Variants in ZNF804B observed in about 807,000 individuals in gnomAD.
ZNF804B encodes zinc finger protein 804B.
In ZNF804B, 80 loss-of-function variants were observed where a neutral mutation model predicts 101.4. The observed-to-expected ratio is 0.79, with a 90% confidence interval of 0.66 to 0.95. The LOEUF (loss-of-function observed/expected upper bound fraction) is 0.95, where lower values mean the gene tolerates loss of function less well. Ranked by LOEUF, ZNF804B falls within the 40% of genes least tolerant of loss-of-function variation. ZNF804B has a pLI of 0.00. For missense variants in ZNF804B, 1,673 were observed against 1,561.9 expected, an observed-to-expected ratio of 1.07 and a Z score of -1.20; for synonymous variants, 622 against 558.8, an observed-to-expected ratio of 1.11 and a Z score of -1.59.
rs199714594 is a variant in ZNF804B, at chr7:89,335,245, C to T, written c.2263C>T (p.Arg755Trp). 1.4e-4 allele frequency: 223 copies of T among 1,613,612 alleles called. No homozygotes were observed. The highest frequency in any genetic ancestry group is 1.7e-4 in the Non-Finnish European group (195 of 1,179,940). ...ACACCACTCAGTTGAAAGGCACAAA[C>T]GGAAATGTCTAAAGCACAACTGCTT... ...REHHSVERHK[R>W]KCLKHNCFYL... The change falls in exon 4 of 4, where the codon CGG (arginine) becomes TGG (tryptophan). Residue 755 changes from arginine (R) to tryptophan (W), a missense_variant. Physicochemically the swap from Arg to Trp is moderately radical, Grantham distance 101. Transcript: ENST00000333190.
intron 1 of ZNF804B, among the ~76,000 whole-genome samples, chr7:89,079,804 A>G (rs1014581719): frequency 6.6e-6 from 1 of 152,010 alleles, no homozygotes; most frequent in African/African-American, 2.4e-5. Flanking sequence ...AGCTTTCCAA[A>G]TAAAGGAAAT....
chr7:88,904,566 A>G (rs1240251821), intron 1 of ZNF804B, among the ~76,000 whole-genome samples: 1 of 152,094 alleles, frequency 6.6e-6, no homozygotes, highest in Non-Finnish European at 1.5e-5. Context: ...AATTATATTG[A>G]TTCTTCCAAT....
intron 1 of ZNF804B, among the ~76,000 whole-genome samples, chr7:89,052,269 C>T (rs1789218132): frequency 6.6e-6 from 1 of 152,058 alleles, no homozygotes; most frequent in African/African-American, 2.4e-5. Flanking sequence ...TCCTGAGTAG[C>T]TGGGACTACA....
intron 1 of ZNF804B, among the ~76,000 whole-genome samples, chr7:89,021,480 G>C (rs1385578619): frequency 6.6e-6 from 1 of 152,106 alleles, no homozygotes; most frequent in East Asian, 1.9e-4. Flanking sequence ...CCCTAGATAT[G>C]GGCACAAGGC....
intron 1 of ZNF804B, among the ~76,000 whole-genome samples, chr7:88,948,226 G>A (rs1793167065): frequency 6.6e-6 from 1 of 150,606 alleles, no homozygotes; most frequent in African/African-American, 2.4e-5. Flanking sequence ...CTATGATAAT[G>A]AGTCCTAAAA....
intron 2 of ZNF804B, among the ~76,000 whole-genome samples, chr7:89,271,340 T>A (rs916260071): frequency 3.3e-5 from 5 of 152,128 alleles, no homozygotes; most frequent in South Asian, 2.1e-4. Flanking sequence ...GGTTTTTGTC[T>A]TTGGTTCTGT....
intron 1 of ZNF804B, among the ~76,000 whole-genome samples, chr7:89,185,314 T>C (rs1788359395): frequency 1.3e-5 from 2 of 152,124 alleles, no homozygotes. Context: ...GTCTTACGCA[T>C]AGAAGATACA....
At chr7:88,811,307 C>A (rs568681652) in intron 1 of ZNF804B, among the ~76,000 whole-genome samples, 6 of 152,220 alleles carry the variant, frequency 3.9e-5, no homozygotes, top group South Asian at 4.2e-4. Context: ...CAATGAGATA[C>A]AATTTCACAC....
At chr7:89,256,406 A>G (rs1789632437) in intron 2 of ZNF804B, among the ~76,000 whole-genome samples, 1 of 152,144 alleles carries the variant, frequency 6.6e-6, no homozygotes, top group Non-Finnish European at 1.5e-5. Flanking sequence ...CAAGCTGGGC[A>G]TGCTGGTATG....
intron 2 of ZNF804B, among the ~76,000 whole-genome samples, chr7:89,313,967 G>C (rs924493493): frequency 6.6e-6 from 1 of 152,066 alleles, no homozygotes; most frequent in Admixed American, 6.5e-5. Context: ...ACATGAATTA[G>C]ATGCTTGGAC....
At chr7:89,097,633 C>T (rs1270012308) in intron 1 of ZNF804B, among the ~76,000 whole-genome samples, 1 of 152,018 alleles carries the variant, frequency 6.6e-6, no homozygotes, top group Non-Finnish European at 1.5e-5. Flanking sequence ...TAAAACCTAA[C>T]AAGAAATTAA....
chr7:89,336,936 C>G lies in ZNF804B; in HGVS notation c.3954C>G (p.Phe1318Leu), dbSNP rs746202470. 5.6e-6 allele frequency: 9 copies of G among 1,614,084 alleles called. No individual in the cohort carries two copies. Among genetic ancestry groups the G allele is most frequent in the Non-Finnish European group, 7.6e-6 (9 of 1,179,988 alleles). The change falls in exon 4 of 4, where the codon TTC becomes TTG. Residue 1318 changes from phenylalanine to leucine, a missense_variant. By Grantham distance (22) the Phe-to-Leu change is conservative. Coordinates refer to ENST00000333190, the MANE Select transcript of ZNF804B (RefSeq NM_181646.5). ...IHLNPLIQPV[F>L]QGQDFCHHSC... ...TGAATCCTTTAATCCAACCAGTATT[C>G]CAAGGTCAAGATTTTTGCCATCATT...
intron 1 of ZNF804B, among the ~76,000 whole-genome samples, chr7:88,816,127 C>T (rs191882234): frequency 1.2e-3 from 187 of 152,214 alleles, no homozygotes; most frequent in African/African-American, 4.2e-3. Flanking sequence ...TGAATGTCCT[C>T]ATCACCCTGC....
chr7:89,204,099 G>T (rs561393923), intron 1 of ZNF804B, among the ~76,000 whole-genome samples: 2 of 152,270 alleles, frequency 1.3e-5, no homozygotes, highest in Admixed American at 1.3e-4. Flanking sequence ...AAAATGGTTT[G>T]TAACTGAGCA....
intron 1 of ZNF804B, among the ~76,000 whole-genome samples, chr7:89,009,262 G>C (rs1788416395): frequency 6.6e-6 from 1 of 151,928 alleles, no homozygotes; most frequent in African/African-American, 2.4e-5. Flanking sequence ...ACATTTATCT[G>C]TTATCCTTTA....
intron 1 of ZNF804B, among the ~76,000 whole-genome samples, chr7:88,915,697 T>G (rs1020098022): frequency 2.0e-5 from 3 of 151,864 alleles, no homozygotes; most frequent in African/African-American, 7.2e-5. Flanking sequence ...GAAAACATAT[T>G]CTAGGAAAAA....
chr7:89,064,602 T>A (rs1583965022), intron 1 of ZNF804B, among the ~76,000 whole-genome samples: 1 of 152,170 alleles, frequency 6.6e-6, no homozygotes, highest in African/African-American at 2.4e-5. Context: ...GGAACAAAAA[T>A]CCTGATCCTT....
chr7:89,228,881 G>C (rs1014750721), intron 2 of ZNF804B, among the ~76,000 whole-genome samples: 1 of 152,200 alleles, frequency 6.6e-6, no homozygotes, highest in Non-Finnish European at 1.5e-5. Flanking sequence ...GGGAGGCTCA[G>C]GCATGGCAGA....
intron 1 of ZNF804B, among the ~76,000 whole-genome samples, chr7:88,917,599 T>G (rs939619261): frequency 6.6e-6 from 1 of 152,178 alleles, no homozygotes; most frequent in Non-Finnish European, 1.5e-5. Flanking sequence ...GCATCCATTA[T>G]ATGGCCCTCA....
Sources: gnomAD v4.1 joint callset for allele counts (sites outside exome capture counted in the v4.1 genomes callset) on GRCh38, gnomAD v4.1.1 for gene constraint, MANE v1.5 for transcripts, NCBI Gene and HGNC (gene_info 2026-07-23, HGNC 2026-07-21) for gene names.